Variants in FUT8 observed in about 807,000 individuals in gnomAD.
The protein encoded by FUT8 is alpha-(1,6)-fucosyltransferase.
FUT8 carries 29 observed loss-of-function variants against 71.3 expected under a neutral mutation model. The ratio of observed to expected loss-of-function variants is 0.41; its 90% CI spans 0.30 to 0.55. The LOEUF (loss-of-function observed/expected upper bound fraction) is 0.55. Ranked by LOEUF, FUT8 falls within the 20% of genes least tolerant of loss-of-function variation. FUT8 has a pLI of 0.34. For missense variants in FUT8, 544 were observed against 702.1 expected (o/e 0.77, Z 2.55); for synonymous variants, 254 against 239.3 (o/e 1.06, Z -0.57).
chr14:65,357,125 C>A, the FUT8 span, among the ~76,000 whole-genome samples: 4 of 152,316 alleles, frequency 2.6e-5, no homozygotes, highest in East Asian at 5.8e-4. Flanking sequence ...TTCTGTGATT[C>A]AGTGTTCTTA....
At chr14:65,551,612 T>C (rs1183879452) in intron 2 of FUT8, among the ~76,000 whole-genome samples, 1 of 152,148 alleles carries the variant, frequency 6.6e-6, no homozygotes, top group Non-Finnish European at 1.5e-5. Context: ...AGATGATGAA[T>C]AGGTTTATGG....
chr14:65,717,398 C>A (rs1281193391), intron 7 of FUT8, among the ~76,000 whole-genome samples: 1 of 141,794 alleles, frequency 7.1e-6, no homozygotes, highest in African/African-American at 2.7e-5. Context: ...ACTCTCCTCA[C>A]CTCCCAGATG....
At chr14:65,527,057 C>T (rs940184449) in intron 2 of FUT8, among the ~76,000 whole-genome samples, 4 of 152,134 alleles carry the variant, frequency 2.6e-5, no homozygotes, top group Admixed American at 2.0e-4. Flanking sequence ...TTGCTCTTCT[C>T]AAGGAGTATC....
chr14:65,379,629 C>T, the FUT8 span, among the ~76,000 whole-genome samples: 1 of 152,164 alleles, frequency 6.6e-6, no homozygotes, highest in Non-Finnish European at 1.5e-5. Context: ...CCAGTCTCCA[C>T]AGCACTGCAT....
At chr14:65,406,019 A>T (rs2065087795), upstream of FUT8, among the ~76,000 whole-genome samples, 2 of 152,218 alleles carry the variant, frequency 1.3e-5, no homozygotes, top group Non-Finnish European at 2.9e-5. Flanking sequence ...AGTAGTTCCT[A>T]TAGGAAAGGT....
chr14:65,379,479 G>A, the FUT8 span, among the ~76,000 whole-genome samples: 5 of 152,140 alleles, frequency 3.3e-5, no homozygotes, highest in South Asian at 2.1e-4. Flanking sequence ...GCAATGAGCC[G>A]AGATGGCGCC....
intron 2 of FUT8, among the ~76,000 whole-genome samples, chr14:65,468,774 T>A (rs1430434095): frequency 6.6e-6 from 1 of 152,090 alleles, no homozygotes; most frequent in Non-Finnish European, 1.5e-5. Flanking sequence ...TCGCCTCCCC[T>A]CTTCACTGTT....
intron 1 of FUT8, among the ~76,000 whole-genome samples, chr14:65,448,487 A>G (rs962221562): frequency 2.0e-5 from 3 of 152,222 alleles, no homozygotes; most frequent in African/African-American, 2.4e-5. Flanking sequence ...TTTTAAGCAC[A>G]GTACTCATAA....
At chr14:65,389,788 T>C in the FUT8 span, among the ~76,000 whole-genome samples, 1 of 151,698 alleles carries the variant, frequency 6.6e-6, no homozygotes, top group African/African-American at 2.4e-5. Context: ...TTCTCTTTAA[T>C]TTATATAATA....
chr14:65,679,657 ATC>A (rs1892942368), intron 7 of FUT8, among the ~76,000 whole-genome samples: 1 of 152,182 alleles, frequency 6.6e-6, no homozygotes, highest in Non-Finnish European at 1.5e-5. Context: ...CTTTATGCAT[ATC>A]TCTTTGTGCA....
intron 2 of FUT8, among the ~76,000 whole-genome samples, chr14:65,554,691 A>T (rs1885495003): frequency 6.6e-6 from 1 of 151,984 alleles, no homozygotes; most frequent in Non-Finnish European, 1.5e-5. Context: ...GAAACTTGAA[A>T]TTCCTGCAGT....
intron 7 of FUT8, among the ~76,000 whole-genome samples, chr14:65,691,807 AC>A (rs1308429886): frequency 3.3e-5 from 5 of 151,858 alleles, no homozygotes; most frequent in Non-Finnish European, 7.4e-5. Context: ...ATGACTCTTA[AC>A]GAGCATGCTG....
chr14:65,623,676 C>T (rs1269720376), intron 5 of FUT8, among the ~76,000 whole-genome samples: 1 of 152,126 alleles, frequency 6.6e-6, no homozygotes, highest in Non-Finnish European at 1.5e-5. Flanking sequence ...TGAGATCGTG[C>T]CACTGCACTC....
intron 2 of FUT8, among the ~76,000 whole-genome samples, chr14:65,557,456 T>G (rs980944306): frequency 6.6e-6 from 1 of 151,430 alleles, no homozygotes; most frequent in South Asian, 2.1e-4. Context: ...CTCAGCCTCC[T>G]AAGTAGCTGG....
chr14:65,634,688 A>G (rs1487433828), intron 6 of FUT8, among the ~76,000 whole-genome samples: 1 of 151,706 alleles, frequency 6.6e-6, no homozygotes, highest in Non-Finnish European at 1.5e-5. Flanking sequence ...GCATTGGTCT[A>G]TGTGCCTATT....
chr14:65,650,865 GC>G (rs975381575), intron 6 of FUT8, among the ~76,000 whole-genome samples: 2 of 152,106 alleles, frequency 1.3e-5, no homozygotes, highest in African/African-American at 2.4e-5. Flanking sequence ...GGAAAAAAAA[GC>G]CCCATTTTAA....
chr14:65,463,493 C>T (rs1159993555), intron 2 of FUT8, among the ~76,000 whole-genome samples: 2 of 152,146 alleles, frequency 1.3e-5, no homozygotes, highest in African/African-American at 4.8e-5. Context: ...ATCTTGAACT[C>T]CTGTGCTCAA....
At chr14:65,578,358 C>T (rs1886902552) in intron 3 of FUT8, among the ~76,000 whole-genome samples, 1 of 152,072 alleles carries the variant, frequency 6.6e-6, no homozygotes, top group Admixed American at 6.5e-5. Context: ...GAAAAAAATA[C>T]CCTGGGCTAT....
At chr14:65,487,117 A>T (rs1456908007) in intron 2 of FUT8, among the ~76,000 whole-genome samples, 1 of 152,212 alleles carries the variant, frequency 6.6e-6, no homozygotes, top group Non-Finnish European at 1.5e-5. Context: ...GGAGAGTTCT[A>T]ACTTGGAGAA....
Sources: gnomAD v4.1 joint callset for allele counts (sites outside exome capture counted in the v4.1 genomes callset) on GRCh38, gnomAD v4.1.1 for gene constraint, MANE v1.5 for transcripts, NCBI Gene and HGNC (gene_info 2026-07-23, HGNC 2026-07-21) for gene names.